Variants in NUDT3 observed in about 807,000 individuals in gnomAD.
NUDT3 encodes nudix hydrolase 3, also known as diphosphoinositol polyphosphate phosphohydrolase 1.
In NUDT3, 9 loss-of-function variants were observed where a neutral mutation model predicts 23.6. That is an observed-to-expected ratio of 0.38 (90% confidence interval 0.23 to 0.66). NUDT3 has a LOEUF of 0.66. Among genes scored for constraint, NUDT3 ranks in the 30% least tolerant of loss-of-function variants. The pLI, the probability that NUDT3 is intolerant of heterozygous loss-of-function variation, is 0.52. For synonymous variants in NUDT3, 86 were observed against 82.6 expected (o/e 1.04, Z -0.22); for missense variants, 172 against 218.5 (o/e 0.79, Z 1.34).
chr6:34,328,187 G>A (rs148163963), intron 2 of NUDT3, among the ~76,000 whole-genome samples: 9 of 152,064 alleles, frequency 5.9e-5, no homozygotes, highest in South Asian at 2.1e-4. Context: ...CACCACGCCC[G>A]GCCAAGAATC....
At chr6:34,356,122 TA>T (rs1764557312) in intron 1 of NUDT3, among the ~76,000 whole-genome samples, 2 of 152,160 alleles carry the variant, frequency 1.3e-5, no homozygotes, top group South Asian at 4.1e-4. Flanking sequence ...AGGAACCAGA[TA>T]CTTAACAATG....
chr6:34,372,302 C>A (rs558053195), intron 1 of NUDT3, among the ~76,000 whole-genome samples: 1 of 152,258 alleles, frequency 6.6e-6, no homozygotes, highest in South Asian at 2.1e-4. Flanking sequence ...AGTTCTAGAT[C>A]CTTGAGGAAT....
intron 3 of NUDT3, among the ~76,000 whole-genome samples, chr6:34,294,228 C>T (rs978394182): frequency 6.6e-6 from 1 of 151,984 alleles, no homozygotes; most frequent in Non-Finnish European, 1.5e-5. Context: ...TCAAGTGATC[C>T]GCATGCCTAG....
chr6:34,300,872 C>T (rs554525557), intron 2 of NUDT3, among the ~76,000 whole-genome samples: 19 of 152,322 alleles, frequency 1.2e-4, no homozygotes, highest in Admixed American at 1.2e-3. Context: ...CCACTCCCTG[C>T]AAGAGACAAC....
chr6:34,359,289 C>A (rs1250463468), intron 1 of NUDT3, among the ~76,000 whole-genome samples: 2 of 152,198 alleles, frequency 1.3e-5, no homozygotes, highest in Non-Finnish European at 2.9e-5. Context: ...AGGATAATTG[C>A]TTGAACCTGG....
At position 34,392,378 on chromosome 6, in the gene NUDT3, G is replaced by C. The variant is rs753242170; in HGVS notation, c.-16C>G. On this transcript the variant is annotated 5_prime_UTR_variant, in exon 1 of 5. Transcript: ENST00000607016. ...GCTTCATCATCCTCCGGGCCCGGGT[G>C]GGGGTGCGGTGCGGGTCGCAGGAGT... The C allele has an allele frequency of 6.9e-6, 11 of 1,591,882 alleles. No individual in the cohort carries two copies. Among genetic ancestry groups the C allele is most frequent in the Admixed American group, 5.1e-5 (3 of 58,628 alleles).
rs763140684 is a variant in NUDT3 at position 34,288,744 on chromosome 6, A to G, written c.*9T>C. 2.5e-6 allele frequency: 4 copies of G among 1,603,280 alleles called. No individual in the cohort carries two copies. The highest frequency in any genetic ancestry group is 2.5e-6 in the Non-Finnish European group (3 of 1,176,562). ...TCCAATTTCCATTTCTCTTACAGGAAGTCTTCAGTCATCTGATGCCTGACA... is the reference window on the plus strand; with the variant it reads ...TCCAATTTCCATTTCTCTTACAGGAGGTCTTCAGTCATCTGATGCCTGACA... On this transcript the variant is annotated 3_prime_UTR_variant, in exon 5 of 5. Coordinates refer to ENST00000607016, the MANE Select transcript of NUDT3 (RefSeq NM_006703.4).
At chr6:34,380,628 G>A (rs1313492090) in intron 1 of NUDT3, among the ~76,000 whole-genome samples, 1 of 152,170 alleles carries the variant, frequency 6.6e-6, no homozygotes, top group African/African-American at 2.4e-5. Context: ...GGTTCAAAAT[G>A]GATAGAATTC....
At chr6:34,305,740 C>G (rs955578884) in intron 2 of NUDT3, among the ~76,000 whole-genome samples, 3 of 152,204 alleles carry the variant, frequency 2.0e-5, no homozygotes, top group Non-Finnish European at 2.9e-5. Flanking sequence ...CTCTTCTGCT[C>G]TATTTGCTTA....
Position 34,376,127 on chromosome 6 carries a change from G to A in NUDT3, c.99+16137C>T, listed in dbSNP as rs554136910. Among the ~76,000 whole-genome samples the A allele has an allele frequency of 2.8e-4, 42 of 152,148 alleles. No homozygotes were observed. In the South Asian group the frequency reaches 7.7e-3, roughly 28 times the overall value. On this transcript the variant is annotated intron_variant, in intron 1 of 4. Coordinates refer to ENST00000607016, the MANE Select transcript of NUDT3 (RefSeq NM_006703.4). The stretch of plus-strand genomic sequence containing the variant: ...GAATTCAGTTCATCACTTCAAATTC[G>A]ACATGACAAAACCAAAGTTCCATCT...
chr6:34,360,316 G>A (rs895056235), intron 1 of NUDT3, among the ~76,000 whole-genome samples: 4 of 151,616 alleles, frequency 2.6e-5, no homozygotes, highest in African/African-American at 9.7e-5. Flanking sequence ...GCTCACACCT[G>A]CAATCCCAGC....
rs71000051 is a variant in NUDT3 at position 34,351,198 on chromosome 6, TAAAAAAAAAAAAAA to T, written c.100-9240_100-9227del. Reference sequence around the variant, plus strand: ...GACCTCGTCTCTACACTCCCCTGCCTAAAAAAAAAAAAAAAAAAAAAAAAAAAACACTTTGGGAG... The same window carrying T: ...GACCTCGTCTCTACACTCCCCTGCCTAAAAAAAAAAAAAACACTTTGGGAG... On this transcript the variant is annotated intron_variant, in intron 1 of 4. Transcript: ENST00000607016. 5.1e-3 allele frequency among the ~76,000 whole-genome samples: 92 copies of T among 17,900 alleles called. 4 individuals are homozygous for T. The highest frequency in any genetic ancestry group is 0.071 in the Middle Eastern group (2 of 28). 11.7% of individuals were successfully genotyped at this position (17,900 alleles called of 152,430 possible).
rs1763318034 is a variant in NUDT3, at chr6:34,285,024, CCTG to C, written c.*3726_*3728del. ...GCAGTGCAATGCAGAAGGCGGAAAT[CCTG>C]CTGTGACGCCACCCTCGAGACCTTC... is the stretch of plus-strand genomic sequence containing the variant. On this transcript the variant is annotated 3_prime_UTR_variant, in exon 5 of 5. Transcript: ENST00000607016. The C allele has an allele frequency of 6.6e-6, 1 of 152,230 alleles. No individual in the cohort carries two copies. The highest frequency in any genetic ancestry group is 2.1e-4 in the South Asian group (1 of 4,830). 9.4% of individuals were successfully genotyped at this position (152,230 alleles called of 1,614,324 possible). A position where few individuals can be genotyped will look rare whatever the true frequency, so the allele number is the denominator to read the frequency against.
At chr6:34,299,718 C>T (rs1437947588) in intron 2 of NUDT3, among the ~76,000 whole-genome samples, 3 of 151,144 alleles carry the variant, frequency 2.0e-5, no homozygotes, top group Admixed American at 2.0e-4. Context: ...CCAGCCTGGC[C>T]AACACGGCAA....
chr6:34,311,675 T>G (rs73403917), intron 2 of NUDT3, among the ~76,000 whole-genome samples: 11,748 of 152,228 alleles, frequency 0.077, 920 homozygotes, highest in African/African-American at 0.2. Flanking sequence ...CAAGACTTAC[T>G]ATAATGCTAC....
chr6:34,371,605 T>G (rs1263249505), intron 1 of NUDT3, among the ~76,000 whole-genome samples: 1 of 152,112 alleles, frequency 6.6e-6, no homozygotes, highest in African/African-American at 2.4e-5. Context: ...CCATTAGAGG[T>G]AACAGTCAGT....
chr6:34,331,550 G>A (rs1174843657), intron 2 of NUDT3, among the ~76,000 whole-genome samples: 1 of 152,190 alleles, frequency 6.6e-6, no homozygotes, highest in African/African-American at 2.4e-5. Flanking sequence ...ATGAGCCAGA[G>A]GAGTAGCACA....
chr6:34,299,586 G>A (rs1014202512), intron 2 of NUDT3, among the ~76,000 whole-genome samples: 28 of 149,346 alleles, frequency 1.9e-4, no homozygotes, highest in Non-Finnish European at 3.2e-4. Flanking sequence ...CACCAAGACC[G>A]GGTATTTTCT....
intron 1 of NUDT3, among the ~76,000 whole-genome samples, chr6:34,342,724 G>A (rs1764307164): frequency 6.6e-6 from 1 of 152,212 alleles, no homozygotes; most frequent in South Asian, 2.1e-4. Flanking sequence ...AGGCTGAGTT[G>A]AGTTGGCATT....
Sources: allele counts gnomAD v4.1 joint callset (sites outside exome capture counted in the v4.1 genomes callset), GRCh38; gene constraint gnomAD v4.1.1; transcripts MANE v1.5; gene names NCBI Gene and HGNC (gene_info 2026-07-23, HGNC 2026-07-21).